Variants in DPP10 observed in about 807,000 individuals in gnomAD.
The protein encoded by DPP10 is dipeptidyl peptidase like 10, also known as inactive dipeptidyl peptidase 10.
A neutral mutation model predicts 120.9 loss-of-function variants in DPP10; 33 were observed. That is an observed-to-expected ratio of 0.27 (90% CI 0.21 to 0.37). DPP10 has a LOEUF of 0.37. DPP10 is among the 10% of genes least tolerant of loss of function. The pLI is 1.00. For synonymous variants in DPP10, 337 were observed against 326.1 expected (o/e 1.03, Z -0.36); for missense variants, 816 against 942.8 (o/e 0.87, Z 1.76).
At chr2:115,442,718 T>C (rs1363477231) in intron 3 of DPP10, among the ~76,000 whole-genome samples, 3 of 152,156 alleles carry the variant, frequency 2.0e-5, no homozygotes, top group Admixed American at 2.0e-4. Flanking sequence ...CCTTTTCAGA[T>C]CTATGTACAG....
At chr2:114,781,533 A>G (rs1682324378) in intron 1 of DPP10, among the ~76,000 whole-genome samples, 1 of 150,892 alleles carries the variant, frequency 6.6e-6, no homozygotes, top group Admixed American at 6.6e-5. Flanking sequence ...TGATAGCAAC[A>G]TCACAGCAAG....
intron 3 of DPP10, among the ~76,000 whole-genome samples, chr2:115,391,963 T>G (rs1326674733): frequency 6.6e-6 from 1 of 152,114 alleles, no homozygotes; most frequent in Admixed American, 6.5e-5. Context: ...TAAGGAGATA[T>G]ACTATTGACC....
intron 5 of DPP10, among the ~76,000 whole-genome samples, chr2:115,563,347 A>G (rs906351222): frequency 4.6e-5 from 7 of 152,188 alleles, no homozygotes; most frequent in African/African-American, 1.4e-4. Context: ...GCCTTGTCTC[A>G]TGTTTATTGT....
At chr2:114,588,992 T>G (rs1444450780) in intron 1 of DPP10, among the ~76,000 whole-genome samples, 1 of 145,206 alleles carries the variant, frequency 6.9e-6, no homozygotes, top group Non-Finnish European at 1.5e-5. Flanking sequence ...ATTCTACAAG[T>G]TAGATATACA....
At chr2:115,556,705 T>G (rs933807039) in intron 5 of DPP10, among the ~76,000 whole-genome samples, 2 of 152,176 alleles carry the variant, frequency 1.3e-5, no homozygotes, top group Admixed American at 6.5e-5. Flanking sequence ...AAGGACATTC[T>G]GGTGAAATTA....
intron 1 of DPP10, among the ~76,000 whole-genome samples, chr2:114,976,182 C>T (rs1699745512): frequency 6.6e-6 from 1 of 152,096 alleles, no homozygotes; most frequent in South Asian, 2.1e-4. Flanking sequence ...TTCATTTTTA[C>T]AGCATTAGTT....
chr2:114,873,392 A>G (rs6746986), intron 1 of DPP10, among the ~76,000 whole-genome samples: 64,437 of 152,058 alleles, frequency 0.42, 14,570 homozygotes, highest in South Asian at 0.55. Context: ...ACAACAGGTA[A>G]CAATGCTTGT....
At chr2:115,771,300 C>T (rs1681439289) in intron 13 of DPP10, among the ~76,000 whole-genome samples, 1 of 152,080 alleles carries the variant, frequency 6.6e-6, no homozygotes, top group South Asian at 2.1e-4. Context: ...TCTCGAACTT[C>T]TGACATCAGG....
At chr2:114,892,023 C>G (rs1692583189) in intron 1 of DPP10, among the ~76,000 whole-genome samples, 2 of 152,110 alleles carry the variant, frequency 1.3e-5, no homozygotes, top group East Asian at 1.9e-4. Flanking sequence ...AAGTAGGACC[C>G]TTTACAACTA....
At chr2:115,633,580 A>G (rs376809896) in intron 5 of DPP10, among the ~76,000 whole-genome samples, 4 of 151,930 alleles carry the variant, frequency 2.6e-5, no homozygotes, top group Non-Finnish European at 5.9e-5. Flanking sequence ...TAAAGTATAA[A>G]AAAAAAGAAA....
At chr2:114,540,194 T>G (rs1421861055) in intron 1 of DPP10, among the ~76,000 whole-genome samples, 1 of 152,206 alleles carries the variant, frequency 6.6e-6, no homozygotes, top group African/African-American at 2.4e-5. Context: ...TTTGCATCAT[T>G]TCCAAATGTG....
chr2:114,831,060 C>CTTTTTTTTTTTTTT (rs1687072579), intron 1 of DPP10, among the ~76,000 whole-genome samples: 1 of 22,550 alleles, frequency 4.4e-5, no homozygotes, highest in African/African-American at 1.4e-4. Context: ...TTTTTTTTTG[C>CTTTTTTTTTTTTTT]TAAATTTTCA....
intron 3 of DPP10, among the ~76,000 whole-genome samples, chr2:115,477,620 A>G (rs1240072243): frequency 6.6e-6 from 1 of 152,156 alleles, no homozygotes; most frequent in South Asian, 2.1e-4. Flanking sequence ...AAAAATCCCA[A>G]TGATTTTTTG....
intron 1 of DPP10, among the ~76,000 whole-genome samples, chr2:114,473,845 T>G (rs547419488): frequency 6.6e-6 from 1 of 152,374 alleles, no homozygotes; most frequent in Admixed American, 6.5e-5. Flanking sequence ...ATATACATAT[T>G]TGTATATATT....
At chr2:114,650,780 G>A (rs1156969556) in intron 1 of DPP10, among the ~76,000 whole-genome samples, 2 of 152,118 alleles carry the variant, frequency 1.3e-5, no homozygotes, top group African/African-American at 4.8e-5. Context: ...CCTAGCAGAT[G>A]AGTCCTCCAT....
intron 1 of DPP10, among the ~76,000 whole-genome samples, chr2:115,266,404 A>G (rs911602006): frequency 6.6e-6 from 1 of 151,952 alleles, no homozygotes; most frequent in Admixed American, 6.6e-5. Context: ...AGATTTTTCA[A>G]TAAAAATTCT....
At chr2:114,863,734 G>A (rs1004700666) in intron 1 of DPP10, among the ~76,000 whole-genome samples, 1 of 152,232 alleles carries the variant, frequency 6.6e-6, no homozygotes, top group East Asian at 1.9e-4. Context: ...GTTAAGGATA[G>A]CACATCTGCA....
chr2:114,956,670 G>T (rs1310712480), intron 1 of DPP10, among the ~76,000 whole-genome samples: 1 of 152,030 alleles, frequency 6.6e-6, no homozygotes, highest in Non-Finnish European at 1.5e-5. Context: ...AATCCTGGAG[G>T]TATCATGCTA....
chr2:115,299,532 TC>T (rs1460329358), intron 1 of DPP10, among the ~76,000 whole-genome samples: 1 of 152,028 alleles, frequency 6.6e-6, no homozygotes, highest in Non-Finnish European at 1.5e-5. Context: ...ACCCTAATTG[TC>T]CTTCTTTGCA....
Sources: gnomAD v4.1 joint callset for allele counts (sites outside exome capture counted in the v4.1 genomes callset) on GRCh38, gnomAD v4.1.1 for gene constraint, MANE v1.5 for transcripts, NCBI Gene and HGNC (gene_info 2026-07-23, HGNC 2026-07-21) for gene names.